Variants in APOB observed in about 807,000 individuals in gnomAD.
The protein encoded by APOB is apolipoprotein B, also known as apolipoprotein B-100.
Under a neutral mutation model 314.1 loss-of-function variants are expected in APOB, and 153 were observed. The ratio of observed to expected loss-of-function variants is 0.49; its 90% confidence interval spans 0.43 to 0.56. The LOEUF (loss-of-function observed/expected upper bound fraction) is 0.56. Ranked by LOEUF, APOB falls within the 20% of genes least tolerant of loss-of-function variation. APOB has a pLI of 0.00. For missense variants in APOB, 5,430 were observed against 5,350.7 expected (o/e 1.01, Z -0.46); for synonymous variants, 2,087 against 2,036.4 (o/e 1.02, Z -0.67).
chr2:21,010,579 T>A lies in APOB; in HGVS notation c.6289A>T (p.Arg2097Ter). Residue 2097 changes from arginine (R) to a stop codon, truncating the protein, a stop_gained, in exon 26 of 29, where the codon AGA (arginine) becomes TGA (stop). Coordinates refer to ENST00000233242, the MANE Select transcript of APOB (RefSeq NM_000384.3). LOFTEE classifies it high-confidence loss of function. ...TIIVVLENVQ[R>*]NLKHINIDQF... ...TCAATATTGATGTGCTTCAGGTTTC[T>A]CTGTACGTTTTCCAGTACAACTATA... 6.2e-7 allele frequency: 1 copy of A among 1,613,858 alleles called. No homozygotes were observed. Among genetic ancestry groups the A allele is most frequent in the Non-Finnish European group, 8.5e-7 (1 of 1,179,922 alleles).
Position 21,008,246 on chromosome 2 carries a change from A to G in APOB, c.8622T>C (p.Ile2874=), listed in dbSNP as rs1663205589. ...KNTLELSNGV[I]VKINNQLTLD... ...GGGTAAGCTGATTGTTTATCTTGAC[A>G]ATCACTCCATTACTAAGCTCCAGTG... The change falls in exon 26 of 29, where the codon ATT becomes ATC. Residue 2874 remains isoleucine (I), a synonymous_variant. Coordinates refer to ENST00000233242, the MANE Select transcript of APOB (RefSeq NM_000384.3). 6.2e-7 allele frequency: 1 copy of G among 1,614,054 alleles called. No homozygotes were observed. The highest frequency in any genetic ancestry group is 8.5e-7 in the Non-Finnish European group (1 of 1,179,964).
Position 21,003,250 on chromosome 2 carries a change from A to C in APOB, c.12172T>G (p.Trp4058Gly), listed in dbSNP as rs2103348332. 1 of 1,613,926 alleles carries C rather than the reference A, an allele frequency of 6.2e-7. No homozygotes were observed. The highest frequency in any genetic ancestry group is 8.5e-7 in the Non-Finnish European group (1 of 1,179,918). ...AAGCCAGAAGCTGCCTCTTCTTCCC[A>C]ATTAACTTTGATCTGAGTTTCCTCA... Reference protein sequence around the residue: ...SDEETQIKVNWEEEAASGLLT... With the variant: ...SDEETQIKVNGEEEAASGLLT... The change falls in exon 29 of 29, where the codon TGG (tryptophan) becomes GGG (glycine). Residue 4058 changes from tryptophan (W) to glycine (G), a missense_variant. By Grantham distance (184) the Trp-to-Gly change is radical. Coordinates refer to ENST00000233242, the MANE Select transcript of APOB (RefSeq NM_000384.3).
At chr2:21,040,853 T>TC in intron 4 of APOB, 85 bp downstream of exon 4, 1 of 1,466,638 alleles carries the variant, frequency 6.8e-7, no homozygotes, top group Non-Finnish European at 9.5e-7. Flanking sequence ...ATACTTACAG[T>TC]CACATCCGTG....
rs1239150689 is a variant in APOB at position 21,026,892 on chromosome 2, T to C, written c.2140A>G (p.Ser714Gly). 6.2e-7 allele frequency: 1 copy of C among 1,614,182 alleles called. No homozygotes were observed. The part of the protein sequence containing the change: ...LFGKQGFFPD[S>G]VNKALYWVNG... ...ACCCAGTACAAAGCTTTGTTGACACTGTCTGGGAAAAATCCTTGCTTCCCA... is the reference window on the plus strand; with the variant it reads ...ACCCAGTACAAAGCTTTGTTGACACCGTCTGGGAAAAATCCTTGCTTCCCA... Residue 714 changes from serine (S) to glycine (G), a missense_variant, in exon 15 of 29, where the codon AGT becomes GGT. This residue lies in a region of APOB where 2,085 missense variants were observed against 2,079.7 expected (regional missense o/e 1.00). Coordinates refer to ENST00000233242, the MANE Select transcript of APOB (RefSeq NM_000384.3).
rs886609418 is a variant in APOB at position 21,006,734 on chromosome 2, C to T, written c.10134G>A (p.Gln3378=). 1 of 1,614,014 alleles carries T rather than the reference C, an allele frequency of 6.2e-7. No homozygotes were observed. The highest frequency in any genetic ancestry group is 1.1e-5 in the South Asian group (1 of 91,080). Reference sequence around the variant, plus strand: ...ATCTTGTGGTGCCCTCTAATTTGTACTGCAGTGCATCAATGACAGATGAAG... The same window carrying T: ...ATCTTGTGGTGCCCTCTAATTTGTATTGCAGTGCATCAATGACAGATGAAG... The part of the protein sequence containing the change: ...SSSSSVIDAL[Q]YKLEGTTRLT... Residue 3378 remains glutamine, a synonymous_variant, in exon 26 of 29, where the codon CAG becomes CAA. Coordinates refer to ENST00000233242, the MANE Select transcript of APOB (RefSeq NM_000384.3).
chr2:21,035,798 C>A (rs1328322928), intron 6 of APOB, 90 bp from the exon 7 acceptor site: 3 of 1,281,908 alleles, frequency 2.3e-6, no homozygotes, highest in Non-Finnish European at 2.2e-6. Flanking sequence ...GAGCAGGAGT[C>A]CTGTACCACT....
chr2:21,018,905 A>C, intron 20 of APOB, 87 bp downstream of exon 20: 2 of 1,600,748 alleles, frequency 1.2e-6, no homozygotes, highest in Non-Finnish European at 1.7e-6. Context: ...CTATTTGTTA[A>C]ATAGGTTAAA....
In APOB at chr2:21,033,468, G is replaced by A; in HGVS notation, c.955C>T (p.Pro319Ser). 6.2e-7 allele frequency: 1 copy of A among 1,614,154 alleles called. No homozygotes were observed. The highest frequency in any genetic ancestry group is 2.2e-5 in the East Asian group (1 of 44,876). Reference sequence around the variant, plus strand: ...TTCAAAACAGCTTCGGCCTGCTTTGGAGGTGATGTGGATTTGGTGCTCTCA... The same window carrying A: ...TTCAAAACAGCTTCGGCCTGCTTTGAAGGTGATGTGGATTTGGTGCTCTCA... ...AFESTKSTSP[P>S]KQAEAVLKTL... Residue 319 changes from proline (P) to serine (S), a missense_variant, in exon 9 of 29, where the codon CCA becomes TCA. Transcript: ENST00000233242.
chr2:21,008,942 T>A lies in APOB; in HGVS notation c.7926A>T (p.Pro2642=), dbSNP rs772218940. The A allele has an allele frequency of 6.2e-7, 1 of 1,614,056 alleles. No individual in the cohort carries two copies. The highest frequency in any genetic ancestry group is 8.5e-7 in the Non-Finnish European group (1 of 1,179,934). The change falls in exon 26 of 29, where the codon CCA becomes CCT. Residue 2642 remains proline (P), a synonymous_variant. Coordinates refer to ENST00000233242, the MANE Select transcript of APOB (RefSeq NM_000384.3). ...TAAATTCTGGTGTGGAAAACCTGGA[T>A]GGGATTTTTATATTTTTTAAGTCTT... ...NFKDLKNIKI[P]SRFSTPEFTI... is the part of the protein sequence containing the mutation.
chr2:21,016,431 T>G lies in APOB; in HGVS notation c.3332+8A>C, dbSNP rs752418083. On this transcript the variant is annotated splice_region_variant and intron_variant, in intron 21 of 28. Coordinates refer to ENST00000233242, the MANE Select transcript of APOB (RefSeq NM_000384.3). ...AGTGCAGGTCAGATGACCCTCGGCCTTCTTTACCTTAGGTGGCCCATGAGG... is the reference window on the plus strand; with the variant it reads ...AGTGCAGGTCAGATGACCCTCGGCCGTCTTTACCTTAGGTGGCCCATGAGG... 5 of 1,533,786 alleles carry G rather than the reference T, an allele frequency of 3.3e-6. No individual in the cohort carries two copies. The South Asian group carries it at 5.6e-5, about 17-fold the overall frequency.
rs200539050 is a variant in APOB, at chr2:21,006,662, G to A, written c.10206C>T (p.Ser3402=). Residue 3402 remains serine (S), a synonymous_variant, in exon 26 of 29, where the codon AGC becomes AGT. Transcript: ENST00000233242. ...GLKLATALSL[S]NKFVEGSHNS... is the part of the protein sequence containing the mutation. Reference sequence around the variant, plus strand: ...TATGACTACCCTCCACAAATTTGTTGCTCAGAGACAGAGCTGTGGCTAACT... The same window carrying A: ...TATGACTACCCTCCACAAATTTGTTACTCAGAGACAGAGCTGTGGCTAACT... 32 of 1,614,064 alleles carry A rather than the reference G, an allele frequency of 2.0e-5. No homozygotes were observed. Among genetic ancestry groups the A allele is most frequent in the Non-Finnish European group, 2.6e-5 (31 of 1,179,972 alleles).
At chr2:21,022,023 A>G (rs185233041) in intron 18 of APOB, among the ~76,000 whole-genome samples, 2 of 152,266 alleles carry the variant, frequency 1.3e-5, no homozygotes, top group Non-Finnish European at 2.9e-5. Flanking sequence ...TGGTGCAAGC[A>G]TGGTTCACTG....
rs1184264161 is a variant in APOB at position 21,008,798 on chromosome 2, A to G, written c.8070T>C (p.Asp2690=). The G allele has an allele frequency of 6.2e-7, 1 of 1,613,958 alleles. No individual in the cohort carries two copies. Among genetic ancestry groups the G allele is most frequent in the African/African-American group, 1.3e-5 (1 of 74,914 alleles). The change falls in exon 26 of 29, where the codon GAT becomes GAC. Residue 2690 remains aspartate (D), a synonymous_variant. Coordinates refer to ENST00000233242, the MANE Select transcript of APOB (RefSeq NM_000384.3). ...CCACCTTCAGATCCCTGAGATATATATCTGGAACGGGCCACTGCAGCTCAC... is the reference window on the plus strand; with the variant it reads ...CCACCTTCAGATCCCTGAGATATATGTCTGGAACGGGCCACTGCAGCTCAC... The part of the protein sequence containing the change: ...LNSELQWPVP[D]IYLRDLKVED...
At chr2:21,040,304 TACAG>T (rs1253277570) in intron 4 of APOB, among the ~76,000 whole-genome samples, 2 of 152,228 alleles carry the variant, frequency 1.3e-5, no homozygotes, top group African/African-American at 4.8e-5. Context: ...AACAGACTAA[TACAG>T]ACAGAGTTTT....
intron 21 of APOB, 135 bp from the exon 22 acceptor site, chr2:21,015,680 C>T: frequency 3.2e-6 from 3 of 923,544 alleles, no homozygotes; most frequent in Non-Finnish European, 5.1e-6. Flanking sequence ...ACAGATCAAA[C>T]TCATCAACTT....
chr2:21,029,426 T>C (rs536994230), intron 12 of APOB, among the ~76,000 whole-genome samples: 1 of 150,838 alleles, frequency 6.6e-6, no homozygotes, highest in African/African-American at 2.4e-5. Context: ...CACTCCAGCC[T>C]GGGCAATAGA....
rs1206715687 is a variant in APOB at position 21,033,512 on chromosome 2, T to A, written c.911A>T (p.Lys304Met). 1 of 1,612,778 alleles carries A rather than the reference T, an allele frequency of 6.2e-7. No individual in the cohort carries two copies. Among genetic ancestry groups the A allele is most frequent in the Admixed American group, 1.7e-5 (1 of 60,008 alleles). The change falls in exon 9 of 29, where the codon AAG (lysine) becomes ATG (methionine). Residue 304 changes from lysine (K) to methionine (M), a missense_variant. Transcript: ENST00000233242. ...INSRFFGEGTKKMGLAFESTK... is the reference protein window; with the variant it reads ...INSRFFGEGTMKMGLAFESTK... ...GCTCTCAAATGCGAGGCCCATCTTC[T>A]TAGTACCTGGAAGATGGAAAGTGTC...
chr2:21,004,215 G>A lies in APOB; in HGVS notation c.12087+54C>T. The A allele has an allele frequency of 3.8e-6, 6 of 1,576,248 alleles. No homozygotes were observed. The South Asian group carries it at 5.5e-5, about 15-fold the overall frequency. ...ATTTGGTCCTGAATTAAATGTATCT[G>A]CCCCAATTCTCCACTCGCTCTTGGG... is the stretch of plus-strand genomic sequence containing the variant. On this transcript the variant is annotated intron_variant, in intron 28 of 28. Coordinates refer to ENST00000233242, the MANE Select transcript of APOB (RefSeq NM_000384.3).
chr2:21,027,961 A>G lies in APOB; in HGVS notation c.1934T>C (p.Leu645Pro). 6.2e-7 allele frequency: 1 copy of G among 1,613,982 alleles called. No individual in the cohort carries two copies. The highest frequency in any genetic ancestry group is 1.6e-4 in the Middle Eastern group (1 of 6,062). Residue 645 changes from leucine to proline, a missense_variant, in exon 14 of 29, where the codon CTT (leucine) becomes CCT (proline). Leu to Pro is a moderately conservative substitution (Grantham distance 98, BLOSUM62 -3). Coordinates refer to ENST00000233242, the MANE Select transcript of APOB (RefSeq NM_000384.3). Reference protein sequence around the residue: ...RNYQLYKSVSLPSLDPASAKI... With the variant: ...RNYQLYKSVSPPSLDPASAKI... ...GGCTGAGGCTGGGTCAAGTGATGGAAGAGAAACAGATTTGTAGAGTTGATA... is the reference window on the plus strand; with the variant it reads ...GGCTGAGGCTGGGTCAAGTGATGGAGGAGAAACAGATTTGTAGAGTTGATA...
Sources: allele counts gnomAD v4.1 joint callset (sites outside exome capture counted in the v4.1 genomes callset), GRCh38; gene constraint gnomAD v4.1.1; regional missense constraint gnomAD v4.1.1; transcripts MANE v1.5; gene names NCBI Gene and HGNC (gene_info 2026-07-23, HGNC 2026-07-21).